BEAN1: variants seen among roughly 807,000 people sequenced by gnomAD.
The protein encoded by BEAN1 is brain expressed associated with NEDD4 1.
A neutral mutation model predicts 17.7 loss-of-function variants in BEAN1; 17 were observed. The ratio of observed to expected loss-of-function variants is 0.96; its 90% CI spans 0.66 to 1.44. The LOEUF is 1.44. Ranked by LOEUF, BEAN1 falls within the 40% of genes most tolerant of loss-of-function variation. BEAN1 has a pLI of 0.00. For missense variants in BEAN1, 359 were observed against 374.1 expected (o/e 0.96, Z 0.33); for synonymous variants, 142 against 151.8 (o/e 0.94, Z 0.47).
chr16:66,436,996 G>A (rs958757450), intron 1 of BEAN1, among the ~76,000 whole-genome samples: 24 of 152,176 alleles, frequency 1.6e-4, no homozygotes, highest in African/African-American at 5.8e-4. Context: ...GTCTCAGCCA[G>A]TAGTTAGAAG....
chr16:66,447,142 T>C (rs1962487228), intron 2 of BEAN1, among the ~76,000 whole-genome samples: 1 of 152,126 alleles, frequency 6.6e-6, no homozygotes, highest in Admixed American at 6.5e-5. Flanking sequence ...TGGTGGCACA[T>C]GCCTGTAGAC....
At chr16:66,494,441 G>A (rs899242572), downstream of BEAN1, among the ~76,000 whole-genome samples, 60 of 152,158 alleles carry the variant, frequency 3.9e-4, no homozygotes, top group African/African-American at 1.4e-3. Context: ...GAGTTAGTGA[G>A]GTGAGGTGTG....
Position 66,434,776 on chromosome 16 carries a change from C to T in BEAN1, c.-82-2819C>T, listed in dbSNP as rs1961950523. On this transcript the variant is annotated intron_variant, in intron 1 of 4. Transcript: ENST00000536005. The surrounding 1 kb of genome is among the most constrained non-coding windows in gnomAD (Gnocchi z 4.3). ...CATAGAGATCCTCCTCTTCAGCAAGCCAAGCACCTTTGAAAGGCAGCCTCC... is the reference window on the plus strand; with the variant it reads ...CATAGAGATCCTCCTCTTCAGCAAGTCAAGCACCTTTGAAAGGCAGCCTCC... Among the ~76,000 whole-genome samples the T allele has an allele frequency of 6.6e-6, 1 of 152,140 alleles. No homozygotes were observed. Among genetic ancestry groups the T allele is most frequent in the Non-Finnish European group, 1.5e-5 (1 of 68,032 alleles).
chr16:66,431,869 C>T (rs540298124), intron 1 of BEAN1, among the ~76,000 whole-genome samples: 2 of 152,070 alleles, frequency 1.3e-5, no homozygotes, highest in South Asian at 2.1e-4. Flanking sequence ...TGCAGTGACA[C>T]GATCTCGGCT....
At chr16:66,455,535 C>A (rs1025498524) in intron 2 of BEAN1, among the ~76,000 whole-genome samples, 2 of 152,110 alleles carry the variant, frequency 1.3e-5, no homozygotes, top group African/African-American at 4.8e-5. Context: ...TTACATGATT[C>A]TCATGGTCTA....
chr16:66,467,083 C>CA (rs1963282982), intron 2 of BEAN1, among the ~76,000 whole-genome samples: 1 of 152,182 alleles, frequency 6.6e-6, no homozygotes, highest in Non-Finnish European at 1.5e-5. Flanking sequence ...CTATGCAAGA[C>CA]AATTAAAGGC....
chr16:66,494,685 C>G (rs1964222358), downstream of BEAN1, among the ~76,000 whole-genome samples: 2 of 152,224 alleles, frequency 1.3e-5, no homozygotes, highest in Non-Finnish European at 2.9e-5. Context: ...GGATCCACTA[C>G]TGGCCTCCCT....
chr16:66,452,874 C>T (rs1962726360), intron 2 of BEAN1, among the ~76,000 whole-genome samples: 1 of 152,020 alleles, frequency 6.6e-6, no homozygotes, highest in Admixed American at 6.6e-5. Context: ...CATATTATTC[C>T]CTGGTCTATG....
chr16:66,477,447 G>A (rs1963792930), intron 3 of BEAN1, 113 bp from the exon 4 acceptor site: 1 of 1,116,752 alleles, frequency 9.0e-7, no homozygotes. Flanking sequence ...GTGAGGAGAG[G>A]AGTGGTCAGG....
chr16:66,438,265 T>TC (rs987881552), intron 2 of BEAN1, among the ~76,000 whole-genome samples: 33 of 152,034 alleles, frequency 2.2e-4, no homozygotes, highest in Admixed American at 1.2e-3. Flanking sequence ...GCGCCTGTAA[T>TC]CCCAGCTACT....
chr16:66,481,106 T>C lies in BEAN1; in HGVS notation c.*181T>C. 1.9e-6 allele frequency: 1 copy of C among 529,208 alleles called. No homozygotes were observed. Among genetic ancestry groups the C allele is most frequent in the Non-Finnish European group, 3.2e-6 (1 of 309,750 alleles). 32.8% of individuals were successfully genotyped at this position (529,208 alleles called of 1,614,324 possible). ...CCATGTACACACACAGATCTAGACG[T>C]GCTCCACATATGTGTGAATATGCGC... On this transcript the variant is annotated 3_prime_UTR_variant, in exon 5 of 5. Transcript: ENST00000536005. The surrounding 1 kb of genome is among the most constrained non-coding windows in gnomAD (Gnocchi z 4.1).
At chr16:66,453,845 T>C (rs1962770154) in intron 2 of BEAN1, among the ~76,000 whole-genome samples, 1 of 152,096 alleles carries the variant, frequency 6.6e-6, no homozygotes, top group Admixed American at 6.5e-5. Flanking sequence ...ATGATTCTCC[T>C]GCCTCAACCT....
intron 4 of BEAN1, among the ~76,000 whole-genome samples, chr16:66,478,738 C>A (rs1963867668): frequency 6.6e-6 from 1 of 152,210 alleles, no homozygotes; most frequent in Admixed American, 6.5e-5. Context: ...TTCGAGGCCA[C>A]AGGTGATAAC....
chr16:66,429,376 G>T (rs1961707722), intron 1 of BEAN1, among the ~76,000 whole-genome samples: 1 of 152,220 alleles, frequency 6.6e-6, no homozygotes, highest in Non-Finnish European at 1.5e-5. Flanking sequence ...CAGTCTGTGT[G>T]GCTGGGACCT....
chr16:66,433,087 T>C (rs1961866314), intron 1 of BEAN1, among the ~76,000 whole-genome samples: 1 of 152,070 alleles, frequency 6.6e-6, no homozygotes, highest in African/African-American at 2.4e-5. Context: ...AGGGACTTTA[T>C]TTTATTTATT....
chr16:66,484,753 G>T, downstream of BEAN1: 1 of 453,870 alleles, frequency 2.2e-6, no homozygotes, highest in Admixed American at 2.3e-5. This position sits in a 1 kb window ranked among gnomAD's most constrained non-coding sequence, Gnocchi z 4.2. Flanking sequence ...GCCACTGAGC[G>T]CAGTCCCACT....
At position 66,482,647 on chromosome 16, in the gene BEAN1, C is replaced by A. The variant is rs1359860064; in HGVS notation, c.*1722C>A. On this transcript the variant is annotated 3_prime_UTR_variant, in exon 5 of 5. Coordinates refer to ENST00000536005, the MANE Select transcript of BEAN1 (RefSeq NM_001178020.3). ...TTTTAAGAAACACATCCTGCTTCTGCAATTCCAGAGAGTGCTGGGGGAAAA... is the reference window on the plus strand; with the variant it reads ...TTTTAAGAAACACATCCTGCTTCTGAAATTCCAGAGAGTGCTGGGGGAAAA... 2.8e-6 allele frequency: 1 copy of A among 359,398 alleles called. No individual in the cohort carries two copies. Among genetic ancestry groups the A allele is most frequent in the Non-Finnish European group, 5.4e-6 (1 of 184,954 alleles). The allele number at this position is 359,398 out of a possible 1,614,324, so 22.3% of individuals were successfully genotyped here. A position where few individuals can be genotyped will look rare whatever the true frequency, so the allele number is the denominator to read the frequency against.
chr16:66,431,583 A>G (rs954778772), intron 1 of BEAN1, among the ~76,000 whole-genome samples: 2 of 148,016 alleles, frequency 1.4e-5, no homozygotes, highest in Non-Finnish European at 3.0e-5. Context: ...ATCTTTTGCT[A>G]TGTATTAATA....
intron 2 of BEAN1, among the ~76,000 whole-genome samples, chr16:66,452,822 T>C (rs1288245043): frequency 6.6e-6 from 1 of 151,918 alleles, no homozygotes; most frequent in African/African-American, 2.4e-5. Context: ...GGCCCCAGAG[T>C]AACGAAGGGA....
Sources: gnomAD v4.1 joint callset for allele counts (sites outside exome capture counted in the v4.1 genomes callset) on GRCh38, gnomAD v4.1.1 for gene constraint, Gnocchi (gnomAD v3.1) non-coding constraint, MANE v1.5 for transcripts, NCBI Gene and HGNC (gene_info 2026-07-23, HGNC 2026-07-21) for gene names.